The following ADGRL2 variants were observed in gnomAD, a reference collection of about 807,000 sequenced individuals.
ADGRL2 encodes the protein adhesion G protein-coupled receptor L2.
In ADGRL2, 44 loss-of-function variants were observed where a neutral mutation model predicts 157.4. The ratio of observed to expected loss-of-function variants is 0.28; its 90% CI spans 0.22 to 0.36. The LOEUF is 0.36. Ranked by LOEUF, ADGRL2 falls within the 10% of genes least tolerant of loss-of-function variation. ADGRL2 has a pLI of 1.00. For synonymous variants in ADGRL2, 585 were observed against 624.7 expected, an observed-to-expected ratio of 0.94 and a Z score of 0.95; for missense variants, 1,510 against 1,768.9, an observed-to-expected ratio of 0.85 and a Z score of 2.63.
chr1:81,685,151 G>A (rs967043868), intron 3 of ADGRL2, among the ~76,000 whole-genome samples: 5 of 152,080 alleles, frequency 3.3e-5, no homozygotes, highest in Non-Finnish European at 7.4e-5. Context: ...TTTTAGAATT[G>A]TTTTTTCTAA....
At chr1:81,693,659 A>T (rs1414819740) in intron 3 of ADGRL2, among the ~76,000 whole-genome samples, 2 of 152,152 alleles carry the variant, frequency 1.3e-5, no homozygotes, top group Non-Finnish European at 2.9e-5. Context: ...CAGCATTTTA[A>T]ACTCATTTAT....
chr1:81,749,827 C>G (rs1022685676), intron 1 of ADGRL2, among the ~76,000 whole-genome samples: 2 of 152,086 alleles, frequency 1.3e-5, no homozygotes, highest in African/African-American at 4.8e-5. Context: ...AAAATTCATA[C>G]TGACTTCATG....
At chr1:81,518,291 C>A (rs979073147) in intron 2 of ADGRL2, among the ~76,000 whole-genome samples, 2 of 152,188 alleles carry the variant, frequency 1.3e-5, no homozygotes, top group East Asian at 3.9e-4. Context: ...TTGCTCCTTT[C>A]TCTTTAGTCC....
chr1:81,927,882 A>G (rs1398360453), intron 3 of ADGRL2, among the ~76,000 whole-genome samples: 1 of 152,050 alleles, frequency 6.6e-6, no homozygotes, highest in African/African-American at 2.4e-5. Flanking sequence ...CCCTAGCTGT[A>G]TAGAATAGAA....
At chr1:81,566,164 C>T (rs1423939512) in intron 2 of ADGRL2, among the ~76,000 whole-genome samples, 1 of 152,012 alleles carries the variant, frequency 6.6e-6, no homozygotes, top group Non-Finnish European at 1.5e-5. Flanking sequence ...GAAGGAAATT[C>T]CAGGGTGTTC....
chr1:81,978,778 A>T (rs1660853721), intron 17 of ADGRL2, among the ~76,000 whole-genome samples: 1 of 151,786 alleles, frequency 6.6e-6, no homozygotes, highest in Non-Finnish European at 1.5e-5. Context: ...AAAAATGATC[A>T]TGTTACTGTA....
intron 1 of ADGRL2, among the ~76,000 whole-genome samples, chr1:81,813,165 C>T (rs776211394): frequency 2.0e-5 from 3 of 151,408 alleles, no homozygotes; most frequent in Non-Finnish European, 3.0e-5. Flanking sequence ...AAATCAATTC[C>T]AGTCTTTTCA....
intron 2 of ADGRL2, among the ~76,000 whole-genome samples, chr1:81,551,508 T>C (rs550319169): frequency 6.6e-6 from 1 of 152,246 alleles, no homozygotes; most frequent in African/African-American, 2.4e-5. Context: ...ATAGCTCATT[T>C]GCAAAATCTA....
At chr1:81,426,411 C>T in intron 1 of ADGRL2, 1 of 348,086 alleles carries the variant, frequency 2.9e-6, no homozygotes, top group Admixed American at 3.9e-5. Flanking sequence ...TTAAAATACT[C>T]AGTAGATAGT....
chr1:81,502,654 CA>C, intron 2 of ADGRL2: 1 of 1,613,928 alleles, frequency 6.2e-7, no homozygotes, highest in Non-Finnish European at 8.5e-7. Flanking sequence ...CCTTCACCCT[CA>C]GCTCAGGACG....
intron 2 of ADGRL2, among the ~76,000 whole-genome samples, chr1:81,471,697 G>A (rs537900907): frequency 8.5e-5 from 13 of 152,246 alleles, no homozygotes; most frequent in African/African-American, 3.1e-4. Context: ...TATATAGGCC[G>A]AATATAATTG....
intron 19 of ADGRL2, among the ~76,000 whole-genome samples, chr1:81,982,640 G>A (rs1429940957): frequency 6.6e-6 from 1 of 151,826 alleles, no homozygotes; most frequent in Non-Finnish European, 1.5e-5. Flanking sequence ...GTTTTATTCT[G>A]TTATTACTAG....
intron 3 of ADGRL2, among the ~76,000 whole-genome samples, chr1:81,605,300 ACT>A (rs1189370271): frequency 6.6e-6 from 1 of 152,126 alleles, no homozygotes; most frequent in Non-Finnish European, 1.5e-5. Context: ...AGAGAAAACT[ACT>A]CTGTTTGTGA....
chr1:81,627,531 T>G (rs1353901806), intron 3 of ADGRL2, among the ~76,000 whole-genome samples: 3 of 152,214 alleles, frequency 2.0e-5, no homozygotes, highest in Admixed American at 2.0e-4. Context: ...ATTTTCATTA[T>G]TTTATGTAAT....
At chr1:81,972,207 A>G (rs1264857342) in intron 17 of ADGRL2, among the ~76,000 whole-genome samples, 2 of 152,144 alleles carry the variant, frequency 1.3e-5, no homozygotes, top group African/African-American at 4.8e-5. Flanking sequence ...TATAAATTAA[A>G]TGAATATGTC....
chr1:81,546,318 T>C (rs2080017601), intron 2 of ADGRL2, among the ~76,000 whole-genome samples: 1 of 152,226 alleles, frequency 6.6e-6, no homozygotes, highest in Non-Finnish European at 1.5e-5. Context: ...TCCGGCTTAC[T>C]CCTTTTTTCT....
At chr1:81,594,299 G>A (rs1200376682) in intron 3 of ADGRL2, among the ~76,000 whole-genome samples, 1 of 152,146 alleles carries the variant, frequency 6.6e-6, no homozygotes. Context: ...CATCTGGAAA[G>A]GGATCATGGC....
At chr1:81,402,976 C>T (rs1249154572) in intron 1 of ADGRL2, among the ~76,000 whole-genome samples, 2 of 152,186 alleles carry the variant, frequency 1.3e-5, no homozygotes, top group Non-Finnish European at 2.9e-5. Flanking sequence ...ATTCATGGAG[C>T]TTTCAGTATA....
intron 2 of ADGRL2, among the ~76,000 whole-genome samples, chr1:81,486,784 GTT>G (rs750531871): frequency 1.1e-4 from 17 of 151,966 alleles, no homozygotes; most frequent in Non-Finnish European, 1.5e-4. Flanking sequence ...AGTTTGACAG[GTT>G]TCCAAATGAT....
Sources: gnomAD v4.1 joint callset for allele counts (sites outside exome capture counted in the v4.1 genomes callset) on GRCh38, gnomAD v4.1.1 for gene constraint, MANE v1.5 for transcripts, NCBI Gene and HGNC (gene_info 2026-07-23, HGNC 2026-07-21) for gene names.